The following PRKAA2 variants were observed in gnomAD, a reference collection of about 807,000 sequenced individuals.
PRKAA2 encodes the protein 5'-AMP-activated protein kinase catalytic subunit alpha-2.
Under a neutral mutation model 56.3 loss-of-function variants are expected in PRKAA2, and 40 were observed. The ratio of observed to expected loss-of-function variants is 0.71; its 90% CI spans 0.55 to 0.92. The LOEUF is 0.92. PRKAA2 is among the 40% of genes least tolerant of loss of function. PRKAA2 has a pLI of 0.00. For missense variants in PRKAA2, 542 were observed against 686.9 expected, an observed-to-expected ratio of 0.79 and a Z score of 2.36; for synonymous variants, 214 against 234.2, an observed-to-expected ratio of 0.91 and a Z score of 0.79.
intron 1 of PRKAA2, among the ~76,000 whole-genome samples, chr1:56,674,122 A>G (rs1395936792): frequency 6.6e-6 from 1 of 152,192 alleles, no homozygotes; most frequent in Non-Finnish European, 1.5e-5. Context: ...TTCAGTAATC[A>G]TTTTCACAAA....
At chr1:56,692,649 TC>T in intron 4 of PRKAA2, 147 bp downstream of exon 4, 2 of 698,690 alleles carry the variant, frequency 2.9e-6, no homozygotes, top group Non-Finnish European at 4.2e-6. Flanking sequence ...CTTTTTTTTT[TC>T]ATTTAATTAA....
chr1:56,668,495 C>T (rs1176777075), intron 1 of PRKAA2, among the ~76,000 whole-genome samples: 2 of 151,406 alleles, frequency 1.3e-5, no homozygotes, highest in East Asian at 3.9e-4. Context: ...TTTTTGTGGA[C>T]TGAAGCTTCA....
At chr1:56,683,393 A>T (rs1490645297) in intron 2 of PRKAA2, among the ~76,000 whole-genome samples, 2 of 152,158 alleles carry the variant, frequency 1.3e-5, no homozygotes, top group East Asian at 3.9e-4. Flanking sequence ...GCAAGAACAA[A>T]AGAATGAAAG....
chr1:56,689,903 C>G (rs1339824817), intron 2 of PRKAA2, among the ~76,000 whole-genome samples: 73 of 37,250 alleles, frequency 2.0e-3, no homozygotes, highest in African/African-American at 6.7e-3. Flanking sequence ...CACAGACACA[C>G]ACACACACAC....
At position 56,656,741 on chromosome 1, in the gene PRKAA2, G is replaced by A. The variant is rs72666482; in HGVS notation, c.94+11260G>A. On this transcript the variant is annotated intron_variant, in intron 1 of 8. Transcript: ENST00000371244. Reference sequence around the variant, plus strand: ...TACCCCTGTGTGATGAGGAGGCATGGAAGTAGCAGCTGAATATTTTAAGGA... The same window carrying A: ...TACCCCTGTGTGATGAGGAGGCATGAAAGTAGCAGCTGAATATTTTAAGGA... Among the ~76,000 whole-genome samples, 454 of 152,314 alleles carry A rather than the reference G, an allele frequency of 3.0e-3. 1 individual carries two copies. Among genetic ancestry groups the A allele is most frequent in the Middle Eastern group, 0.02 (6 of 294 alleles).
chr1:56,692,923 C>T (rs906001325), intron 4 of PRKAA2, among the ~76,000 whole-genome samples: 1 of 151,800 alleles, frequency 6.6e-6, no homozygotes, highest in African/African-American at 2.4e-5. Context: ...GGAAAAAAGC[C>T]CTTCTGAACT....
rs1644366053 is a variant in PRKAA2 at position 56,711,070 on chromosome 1, A to G, written c.*3357A>G. 6.6e-6 allele frequency: 1 copy of G among 152,144 alleles called. No homozygotes were observed. The highest frequency in any genetic ancestry group is 1.5e-5 in the Non-Finnish European group (1 of 67,988). 9.4% of individuals were successfully genotyped at this position (152,144 alleles called of 1,614,324 possible). A position where few individuals can be genotyped will look rare whatever the true frequency, so the allele number is the denominator to read the frequency against. On this transcript the variant is annotated 3_prime_UTR_variant, in exon 9 of 9. Transcript: ENST00000371244. ...CACTTTTGTAATCTCTAGTGTTTAC[A>G]TTCCTTTATACTAGCTATCTATAAA...
At chr1:56,705,684 G>A (rs1429734971) in intron 7 of PRKAA2, among the ~76,000 whole-genome samples, 1 of 152,210 alleles carries the variant, frequency 6.6e-6, no homozygotes, top group Non-Finnish European at 1.5e-5. Flanking sequence ...ACAGGCGTGA[G>A]CCACTGTGCC....
chr1:56,645,703 C>CTG (rs1646634888), intron 1 of PRKAA2, among the ~76,000 whole-genome samples: 3 of 152,064 alleles, frequency 2.0e-5, no homozygotes. Flanking sequence ...GGGGTGTGAG[C>CTG]TGAGGATGGG....
Position 56,707,862 on chromosome 1 carries a change from A to G in PRKAA2, c.*149A>G. 1 of 738,906 alleles carries G rather than the reference A, an allele frequency of 1.4e-6. No homozygotes were observed. The highest frequency in any genetic ancestry group is 1.9e-5 in the South Asian group (1 of 53,654). The allele number at this position is 738,906 out of a possible 1,614,324, so 45.8% of individuals were successfully genotyped here. A position where few individuals can be genotyped will look rare whatever the true frequency, so the allele number is the denominator to read the frequency against. On this transcript the variant is annotated 3_prime_UTR_variant, in exon 9 of 9. Transcript: ENST00000371244. ...CACACAATGCTATTGAAATTACTGA[A>G]AACAAAATATCTGACATCTTATTTA...
intron 1 of PRKAA2, among the ~76,000 whole-genome samples, chr1:56,673,919 A>G (rs1468919419): frequency 6.6e-6 from 1 of 152,212 alleles, no homozygotes; most frequent in Non-Finnish European, 1.5e-5. Context: ...GGCACAAAAA[A>G]GGGCTAGGTG....
chr1:56,672,335 T>C (rs1557549597), intron 1 of PRKAA2, among the ~76,000 whole-genome samples: 1 of 152,174 alleles, frequency 6.6e-6, no homozygotes, highest in Non-Finnish European at 1.5e-5. Flanking sequence ...CAGGCTGGTC[T>C]CGAACTCCTG....
intron 2 of PRKAA2, among the ~76,000 whole-genome samples, chr1:56,679,545 T>C (rs543594255): frequency 2.6e-5 from 4 of 152,296 alleles, no homozygotes; most frequent in Admixed American, 2.6e-4. Context: ...CCTCATTTCT[T>C]ACATACAATC....
Position 56,655,579 on chromosome 1 carries a change from A to C in PRKAA2, c.94+10098A>C, listed in dbSNP as rs894758514. On this transcript the variant is annotated intron_variant, in intron 1 of 8. Coordinates refer to ENST00000371244, the MANE Select transcript of PRKAA2 (RefSeq NM_006252.4). ...AGCAAAATGTTTTTTACCAGTGTTC[A>C]TCTGCTCATGAGGGATCTTCTCCTA... Among the ~76,000 whole-genome samples, 10 of 152,152 alleles carry C rather than the reference A, an allele frequency of 6.6e-5. No individual in the cohort carries two copies. The East Asian group carries it at 1.9e-3, about 29-fold the overall frequency.
intron 6 of PRKAA2, among the ~76,000 whole-genome samples, 184 bp from the exon 7 acceptor site, chr1:56,703,787 A>G (rs1226522535): frequency 6.6e-6 from 1 of 152,230 alleles, no homozygotes; most frequent in Non-Finnish European, 1.5e-5. Context: ...GCCAAGTCTT[A>G]ATAACCATAG....
chr1:56,667,813 G>C (rs932148662), intron 1 of PRKAA2, among the ~76,000 whole-genome samples: 32 of 152,204 alleles, frequency 2.1e-4, no homozygotes, highest in African/African-American at 7.7e-4. Context: ...TACAAATCTG[G>C]ATTATAAATT....
intron 7 of PRKAA2, among the ~76,000 whole-genome samples, chr1:56,705,838 A>G (rs1408579023): frequency 6.6e-6 from 1 of 152,150 alleles, no homozygotes; most frequent in Non-Finnish European, 1.5e-5. Context: ...GGTTCTCTTT[A>G]AGTTTTTCCT....
In PRKAA2 at chr1:56,709,324, C is replaced by T. The variant is rs897333300; in HGVS notation, c.*1611C>T. On this transcript the variant is annotated 3_prime_UTR_variant, in exon 9 of 9. Transcript: ENST00000371244. Reference sequence around the variant, plus strand: ...ATCAGGAGTTTGCGTTGTGTCACATCATATGGCTTTGCAGATCTTTTAAAA... The same window carrying T: ...ATCAGGAGTTTGCGTTGTGTCACATTATATGGCTTTGCAGATCTTTTAAAA... 1.3e-5 allele frequency: 2 copies of T among 152,150 alleles called. No individual in the cohort carries two copies. Among genetic ancestry groups the T allele is most frequent in the African/African-American group, 4.8e-5 (2 of 41,454 alleles). The allele number at this position is 152,150 out of a possible 1,614,324, so 9.4% of individuals were successfully genotyped here.
intron 1 of PRKAA2, among the ~76,000 whole-genome samples, chr1:56,653,889 T>A (rs192225901): frequency 6.6e-6 from 1 of 152,252 alleles, no homozygotes; most frequent in Admixed American, 6.5e-5. Context: ...ATATTTTGTA[T>A]ACATACATAT....
Sources: gnomAD v4.1 joint callset for allele counts (sites outside exome capture counted in the v4.1 genomes callset) on GRCh38, gnomAD v4.1.1 for gene constraint, MANE v1.5 for transcripts, NCBI Gene and HGNC (gene_info 2026-07-23, HGNC 2026-07-21) for gene names.